CXCL12: variants seen among roughly 807,000 people sequenced by gnomAD.
CXCL12 encodes the protein stromal cell-derived factor 1.
CXCL12 carries 4 observed loss-of-function variants against 10.7 expected under a neutral mutation model. The observed-to-expected ratio is 0.37, with a 90% CI of 0.18 to 0.86. The LOEUF (loss-of-function observed/expected upper bound fraction) is 0.86. Among genes scored for constraint, CXCL12 ranks in the 40% least tolerant of loss-of-function variants. CXCL12 has a pLI of 0.43. For missense variants in CXCL12, 122 were observed against 110.4 expected (o/e 1.10, Z -0.47); for synonymous variants, 54 against 45.4 (o/e 1.19, Z -0.77).
In CXCL12 at chr10:44,385,037, G is replaced by A; in HGVS notation, c.-32C>T. On this transcript the variant is annotated 5_prime_UTR_variant, in exon 1 of 3. Transcript: ENST00000343575. Reference sequence around the variant, plus strand: ...GGCGGGCGGGCGGGCGGGCGGACGAGCGCGGGTCGGGGGCCGGACGCCGAG... The same window carrying A: ...GGCGGGCGGGCGGGCGGGCGGACGAACGCGGGTCGGGGGCCGGACGCCGAG... The A allele has an allele frequency of 7.0e-7, 1 of 1,431,882 alleles. No homozygotes were observed. The highest frequency in any genetic ancestry group is 9.3e-7 in the Non-Finnish European group (1 of 1,080,334). 88.7% of individuals were successfully genotyped at this position (1,431,882 alleles called of 1,614,324 possible). A position where few individuals can be genotyped will look rare whatever the true frequency, so the allele number is the denominator to read the frequency against.
At chr10:44,372,980 T>A (rs1299211931), downstream of CXCL12, 1 of 1,535,920 alleles carries the variant, frequency 6.5e-7, no homozygotes, top group Non-Finnish European at 8.7e-7. Flanking sequence ...CCAGGCTCCC[T>A]CAGCCCAGTC....
chr10:44,382,953 T>C (rs1839676369), intron 1 of CXCL12, among the ~76,000 whole-genome samples: 1 of 152,214 alleles, frequency 6.6e-6, no homozygotes, highest in African/African-American at 2.4e-5. Context: ...GCTCTGATGG[T>C]ACCCCGGATT....
downstream of CXCL12, chr10:44,374,492 G>A (rs1228766602): frequency 1.5e-5 from 7 of 456,078 alleles, 1 homozygote; most frequent in South Asian, 1.1e-4. Flanking sequence ...TGTACCCAGG[G>A]CTCAGGCCTG....
intron 1 of CXCL12, among the ~76,000 whole-genome samples, chr10:44,383,816 T>C (rs1367024706): frequency 2.0e-5 from 3 of 152,096 alleles, no homozygotes; most frequent in African/African-American, 7.2e-5. Context: ...CGGGGCCACG[T>C]CTGCACCAAC....
At chr10:44,384,589 C>T (rs926951987) in intron 1 of CXCL12, among the ~76,000 whole-genome samples, 1 of 152,202 alleles carries the variant, frequency 6.6e-6, no homozygotes, top group African/African-American at 2.4e-5. Flanking sequence ...AGCGGGAAGG[C>T]AGTGGGTGGA....
intron 2 of CXCL12, among the ~76,000 whole-genome samples, chr10:44,379,213 G>C (rs2132045665): frequency 6.6e-6 from 1 of 152,122 alleles, no homozygotes; most frequent in East Asian, 1.9e-4. Context: ...ATGGGCATGA[G>C]GAAGCCTGGA....
At chr10:44,384,486 T>G (rs1839735534) in intron 1 of CXCL12, among the ~76,000 whole-genome samples, 1 of 152,102 alleles carries the variant, frequency 6.6e-6, no homozygotes, top group African/African-American at 2.4e-5. Flanking sequence ...GAGGCGAACT[T>G]TGCAAAGCGC....
chr10:44,378,761 G>T (rs1485435880), intron 2 of CXCL12, 38 bp from the exon 3 acceptor site: 1 of 1,602,290 alleles, frequency 6.2e-7, no homozygotes, highest in East Asian at 2.2e-5. Context: ...CGGCTGCACA[G>T]GAGGAAGGCG....
chr10:44,379,383 C>T (rs1258233442), intron 2 of CXCL12, among the ~76,000 whole-genome samples: 1 of 152,182 alleles, frequency 6.6e-6, no homozygotes, highest in African/African-American at 2.4e-5. Context: ...AAAGTTCACA[C>T]TCTTAAAAGC....
chr10:44,384,836 T>C (rs1447488805), intron 1 of CXCL12, 109 bp downstream of exon 1: 4 of 1,101,892 alleles, frequency 3.6e-6, no homozygotes, highest in Non-Finnish European at 5.1e-6. Context: ...CCACCCCCAC[T>C]GTGTCGGGCG....
chr10:44,380,870 G>A lies in CXCL12; in HGVS notation c.72C>T (p.Val24=). The A allele has an allele frequency of 6.2e-7, 1 of 1,614,184 alleles. No individual in the cohort carries two copies. The highest frequency in any genetic ancestry group is 8.5e-7 in the Non-Finnish European group (1 of 1,180,012). Residue 24 remains valine (V), a synonymous_variant, in exon 2 of 3, where the codon GTC becomes GTT. Transcript: ENST00000343575. ...GGCATGGGCATCTGTAGCTCAGGCT[G>A]ACGGGCTTCCCTAGAAGAGGTAAGG... ...TALCLSDGKP[V]SLSYRCPCRF...
At chr10:44,383,074 G>A (rs898181954) in intron 1 of CXCL12, among the ~76,000 whole-genome samples, 9 of 152,220 alleles carry the variant, frequency 5.9e-5, no homozygotes, top group Non-Finnish European at 8.8e-5. Context: ...GGCCCACCCT[G>A]AGTTTAAGCC....
chr10:44,373,158 T>C (rs1004581740), downstream of CXCL12: 26 of 1,538,162 alleles, frequency 1.7e-5, no homozygotes, highest in Admixed American at 2.0e-5. Context: ...ATAAATGTCA[T>C]GTATTTTGCT....
At chr10:44,375,050 C>T (rs1306346319), downstream of CXCL12, among the ~76,000 whole-genome samples, 1 of 152,172 alleles carries the variant, frequency 6.6e-6, no homozygotes, top group Non-Finnish European at 1.5e-5. Context: ...GCAGCTGTGC[C>T]CTGCAGCTGG....
Position 44,377,439 on chromosome 10 carries a change from C to A in CXCL12, c.*1194G>T, listed in dbSNP as rs372669171. 2.6e-6 allele frequency: 3 copies of A among 1,137,300 alleles called. No individual in the cohort carries two copies. Among genetic ancestry groups the A allele is most frequent in the Non-Finnish European group, 1.1e-6 (1 of 927,782 alleles). 70.5% of individuals were successfully genotyped at this position (1,137,300 alleles called of 1,614,324 possible). A position where few individuals can be genotyped will look rare whatever the true frequency, so the allele number is the denominator to read the frequency against. ...AAAATATATATAAAAAAATGCCTTG[C>A]AAAAAGTTACAAATACCACCAGGAC... On this transcript the variant is annotated 3_prime_UTR_variant, in exon 3 of 3. Transcript: ENST00000343575.
downstream of CXCL12, chr10:44,374,810 G>A (rs1160248352): frequency 5.1e-6 from 2 of 393,650 alleles, no homozygotes; most frequent in African/African-American, 2.1e-5. Context: ...GGGTGGGCGG[G>A]TGTTTATGTG....
At chr10:44,382,473 G>A (rs1444281083) in intron 1 of CXCL12, among the ~76,000 whole-genome samples, 2 of 152,204 alleles carry the variant, frequency 1.3e-5, no homozygotes, top group East Asian at 3.9e-4. Flanking sequence ...GAGAATAGGA[G>A]GCCGGTAGTG....
intron 1 of CXCL12, among the ~76,000 whole-genome samples, chr10:44,384,030 A>G (rs1839719342): frequency 6.6e-6 from 1 of 152,220 alleles, no homozygotes. Flanking sequence ...GTTTCTCTTC[A>G]GCGAAAGAAA....
chr10:44,373,121 A>T, downstream of CXCL12: 1 of 1,535,022 alleles, frequency 6.5e-7, no homozygotes, highest in Non-Finnish European at 8.7e-7. Flanking sequence ...GTCGCCAGTG[A>T]CACTGAATAA....
Sources: gnomAD v4.1 joint callset for allele counts (sites outside exome capture counted in the v4.1 genomes callset) on GRCh38, gnomAD v4.1.1 for gene constraint, MANE v1.5 for transcripts, NCBI Gene and HGNC (gene_info 2026-07-23, HGNC 2026-07-21) for gene names.